Variants in SMAP1 observed in about 807,000 individuals in gnomAD.
SMAP1 encodes stromal membrane-associated protein 1.
In SMAP1, 24 loss-of-function variants were observed where a neutral mutation model predicts 58.5. The observed-to-expected ratio is 0.41, with a 90% CI of 0.30 to 0.58. The LOEUF is 0.58. SMAP1 is among the 20% of genes least tolerant of loss of function. The pLI is 0.29. For missense variants in SMAP1, 563 were observed against 566.3 expected, an observed-to-expected ratio of 0.99 and a Z score of 0.06; for synonymous variants, 216 against 196.6, an observed-to-expected ratio of 1.10 and a Z score of -0.82.
chr6:70,770,949 G>A (rs1217959729), intron 3 of SMAP1, among the ~76,000 whole-genome samples: 1 of 152,156 alleles, frequency 6.6e-6, no homozygotes, highest in African/African-American at 2.4e-5. Flanking sequence ...CTTTCTGTTT[G>A]TTAGTTTTCC....
chr6:70,767,104 T>A lies in SMAP1; in HGVS notation c.339-6246T>A, dbSNP rs189360191. 1.7e-4 allele frequency among the ~76,000 whole-genome samples: 26 copies of A among 151,840 alleles called. 1 individual carries two copies. The highest frequency in any genetic ancestry group is 3.9e-4 in the Admixed American group (6 of 15,246). ...GGGCTCTGTTCTGTTCCATTGATCT[T>A]TATCTCTGTTTTGGTACCAATACCA... On this transcript the variant is annotated intron_variant, in intron 3 of 10. Coordinates refer to ENST00000370455, the MANE Select transcript of SMAP1 (RefSeq NM_001044305.3).
chr6:70,739,366 G>A (rs951108327), intron 2 of SMAP1, among the ~76,000 whole-genome samples: 5 of 152,040 alleles, frequency 3.3e-5, no homozygotes, highest in African/African-American at 1.2e-4. Flanking sequence ...TTTTTTAAAT[G>A]AGGCTAATAG....
intron 6 of SMAP1, among the ~76,000 whole-genome samples, chr6:70,813,078 TTTCTAG>T (rs1769459842): frequency 6.6e-6 from 1 of 152,174 alleles, no homozygotes; most frequent in Non-Finnish European, 1.5e-5. Flanking sequence ...ATTTTAGTTG[TTTCTAG>T]TTCTCTTTTG....
Position 70,731,260 on chromosome 6 carries a change from G to GA in SMAP1, c.119-1112dup, listed in dbSNP as rs747627412. On this transcript the variant is annotated intron_variant, in intron 1 of 10. Coordinates refer to ENST00000370455, the MANE Select transcript of SMAP1 (RefSeq NM_001044305.3). The stretch of plus-strand genomic sequence containing the variant: ...TTTATTAATTTTACAAGCAATATGT[G>GA]AAAAAATCTGAAGCAATTTTTAAAA... Among the ~76,000 whole-genome samples the GA allele has an allele frequency of 4.6e-5, 7 of 152,192 alleles. No individual in the cohort carries two copies. The East Asian group carries it at 1.2e-3, about 25-fold the overall frequency.
At chr6:70,727,177 G>A (rs950852455) in intron 1 of SMAP1, among the ~76,000 whole-genome samples, 17 of 151,876 alleles carry the variant, frequency 1.1e-4, no homozygotes, top group African/African-American at 3.1e-4. Context: ...GCAGGGTCTC[G>A]GCTCACTGCA....
rs1007718142 is a variant in SMAP1 at position 70,667,929 on chromosome 6, C to A, written c.-95C>A. The stretch of plus-strand genomic sequence containing the variant: ...CCGCTTCCTGGGCTGAGTCCGCCCG[C>A]GGTCCCGGCGGCGCCAGGTGCGTTC... On this transcript the variant is annotated 5_prime_UTR_variant, in exon 1 of 11. Coordinates refer to ENST00000370455, the MANE Select transcript of SMAP1 (RefSeq NM_001044305.3). The A allele has an allele frequency of 9.4e-7, 1 of 1,061,418 alleles. No individual in the cohort carries two copies. The highest frequency in any genetic ancestry group is 1.3e-6 in the Non-Finnish European group (1 of 748,808). The allele number at this position is 1,061,418 out of a possible 1,614,324, so 65.7% of individuals were successfully genotyped here. A position where few individuals can be genotyped will look rare whatever the true frequency, so the allele number is the denominator to read the frequency against.
chr6:70,742,111 A>G (rs1322142549), intron 2 of SMAP1, among the ~76,000 whole-genome samples: 2 of 152,106 alleles, frequency 1.3e-5, no homozygotes, highest in Non-Finnish European at 2.9e-5. Context: ...CCCTGAGGAC[A>G]TTTTCCCCAT....
At position 70,738,602 on chromosome 6, in the gene SMAP1, T is replaced by C. The variant is rs189950208; in HGVS notation, c.252+6091T>C. Reference sequence around the variant, plus strand: ...GACTTGCTTGTCTTAATTTAAACTTTTGATCTTTCCTAGAAAAAATTTCTT... The same window carrying C: ...GACTTGCTTGTCTTAATTTAAACTTCTGATCTTTCCTAGAAAAAATTTCTT... On this transcript the variant is annotated intron_variant, in intron 2 of 10. Transcript: ENST00000370455. 6.2e-4 allele frequency among the ~76,000 whole-genome samples: 95 copies of C among 152,326 alleles called. 4 individuals are homozygous for C. The East Asian group carries it at 0.017, about 27-fold the overall frequency.
intron 4 of SMAP1, among the ~76,000 whole-genome samples, chr6:70,786,275 A>G (rs944125124): frequency 1.4e-5 from 2 of 147,444 alleles, no homozygotes; most frequent in Non-Finnish European, 3.0e-5. Context: ...AAAACTCTCA[A>G]TAAATTAGGT....
chr6:70,782,450 T>C (rs181217274), intron 4 of SMAP1, among the ~76,000 whole-genome samples: 2 of 152,354 alleles, frequency 1.3e-5, no homozygotes, highest in Admixed American at 6.5e-5. Context: ...CAGATAACTT[T>C]AGTTGAACAA....
At chr6:70,802,634 C>G (rs1768913382) in intron 6 of SMAP1, among the ~76,000 whole-genome samples, 2 of 152,094 alleles carry the variant, frequency 1.3e-5, no homozygotes, top group African/African-American at 4.8e-5. Flanking sequence ...ATGATATTGG[C>G]TGTGGGTTTG....
intron 5 of SMAP1, among the ~76,000 whole-genome samples, chr6:70,795,537 T>A (rs959512223): frequency 3.9e-5 from 6 of 152,140 alleles, no homozygotes; most frequent in African/African-American, 1.4e-4. Context: ...GGGGCCTTTT[T>A]AATAAGGGTG....
chr6:70,685,716 T>C (rs987393409), intron 1 of SMAP1, among the ~76,000 whole-genome samples: 5 of 152,124 alleles, frequency 3.3e-5, no homozygotes, highest in Non-Finnish European at 7.4e-5. Context: ...TTGGGAGTTA[T>C]CGGCATAGAA....
At position 70,860,367 on chromosome 6, in the gene SMAP1, A is replaced by C; in HGVS notation, c.*33A>C. Reference sequence around the variant, plus strand: ...AATACAAGTTTCATCCAGAACTACCACCTGACATTCCTTGCTGAAACGCAT... The same window carrying C: ...AATACAAGTTTCATCCAGAACTACCCCCTGACATTCCTTGCTGAAACGCAT... On this transcript the variant is annotated 3_prime_UTR_variant, in exon 11 of 11. Transcript: ENST00000370455. 1 of 1,582,574 alleles carries C rather than the reference A, an allele frequency of 6.3e-7. No individual in the cohort carries two copies. The highest frequency in any genetic ancestry group is 8.6e-7 in the Non-Finnish European group (1 of 1,164,554).
chr6:70,701,043 C>T (rs1464648461), intron 1 of SMAP1, among the ~76,000 whole-genome samples: 2 of 152,098 alleles, frequency 1.3e-5, no homozygotes, highest in Non-Finnish European at 1.5e-5. Context: ...CCCCTCTTCT[C>T]TCCTCACACG....
intron 1 of SMAP1, among the ~76,000 whole-genome samples, chr6:70,691,194 TTCA>T (rs1350404844): frequency 6.6e-6 from 1 of 152,220 alleles, no homozygotes; most frequent in Non-Finnish European, 1.5e-5. Context: ...TCTCTCTTTC[TTCA>T]TCAGCCATGC....
At chr6:70,846,734 C>G (rs1188041895) in intron 7 of SMAP1, among the ~76,000 whole-genome samples, 6 of 152,124 alleles carry the variant, frequency 3.9e-5, no homozygotes, top group Non-Finnish European at 7.3e-5. Context: ...CCTCAGGGCA[C>G]TATTTTAGGG....
At chr6:70,699,676 C>A (rs955799897) in intron 1 of SMAP1, among the ~76,000 whole-genome samples, 23 of 152,102 alleles carry the variant, frequency 1.5e-4, no homozygotes, top group African/African-American at 5.6e-4. Flanking sequence ...CTCATGACCA[C>A]CACTGCCCAA....
chr6:70,852,639 C>T lies in SMAP1; in HGVS notation c.764C>T (p.Pro255Leu), dbSNP rs745543027. Residue 255 changes from proline (P) to leucine (L), a missense_variant, in exon 8 of 11, where the codon CCT (proline) becomes CTT (leucine). Around this residue, in one of 3 missense-constraint regions of SMAP1, gnomAD observed 494 missense variants for 473.8 expected, o/e 1.04. Coordinates refer to ENST00000370455, the MANE Select transcript of SMAP1 (RefSeq NM_001044305.3). ...GGACCGATGATTTCTAATCCCTTACCTGCAACTGTCATGCCCCCAGCTCAG... is the reference window on the plus strand; with the variant it reads ...GGACCGATGATTTCTAATCCCTTACTTGCAACTGTCATGCCCCCAGCTCAG... ...IFGPMISNPL[P>L]ATVMPPAQGT... 4.4e-6 allele frequency: 7 copies of T among 1,607,996 alleles called. No individual in the cohort carries two copies. The highest frequency in any genetic ancestry group is 5.9e-6 in the Non-Finnish European group (7 of 1,177,006).
Sources: gnomAD v4.1 joint callset for allele counts (sites outside exome capture counted in the v4.1 genomes callset) on GRCh38, gnomAD v4.1.1 for gene constraint, gnomAD v4.1.1 regional missense constraint, MANE v1.5 for transcripts, NCBI Gene and HGNC (gene_info 2026-07-23, HGNC 2026-07-21) for gene names.